The following KLF8 variants were observed in gnomAD, a reference collection of about 807,000 sequenced individuals.
KLF8 encodes the protein Krueppel-like factor 8.
In KLF8, 10 loss-of-function variants were observed where a neutral mutation model predicts 18.2. That is an observed-to-expected ratio of 0.55 (90% CI 0.34 to 0.93). KLF8 has a LOEUF of 0.93. KLF8 is among the 40% of genes least tolerant of loss of function. KLF8 has a pLI of 0.02. For synonymous variants in KLF8, 109 were observed against 97.3 expected (o/e 1.12, Z -0.71); for missense variants, 264 against 277.9 (o/e 0.95, Z 0.36).
At chrX:56,217,583 T>A in the KLF8 span, among the ~76,000 whole-genome samples, 4 of 110,089 alleles carry the variant, frequency 3.6e-5, no homozygotes, top group Admixed American at 1.9e-4. Context: ...CCCAGCTAAT[T>A]TTTTAAAAAA....
the KLF8 span, among the ~76,000 whole-genome samples, chrX:56,202,121 C>G: frequency 2.7e-5 from 3 of 111,016 alleles, no homozygotes; most frequent in East Asian, 5.6e-4. Context: ...GAAGAAGGCT[C>G]GTACTGTCCA....
At chrX:56,231,083 G>A (rs1042229145), upstream of KLF8, among the ~76,000 whole-genome samples, 1 of 111,881 alleles carries the variant, frequency 8.9e-6, no homozygotes, top group African/African-American at 3.2e-5. Flanking sequence ...GAATTCCCAG[G>A]GATTTGTAAT....
In KLF8 at chrX:56,288,568, A is replaced by AT. The variant is rs111675517; in HGVS notation, c.*4080dup. Among the ~76,000 whole-genome samples, 20,433 of 111,477 alleles carry AT rather than the reference A, an allele frequency of 0.18. 3,798 individuals carry two copies. Among genetic ancestry groups the AT allele is most frequent in the African/African-American group, 0.57 (17,407 of 30,362 alleles). On this transcript the variant is annotated 3_prime_UTR_variant, in exon 6 of 6. Coordinates refer to ENST00000468660, the MANE Select transcript of KLF8 (RefSeq NM_007250.5). The stretch of plus-strand genomic sequence containing the variant: ...TATTACAATAAAGCAAGTCACACAA[A>AT]TTTTTTGGTTTCCCAGTGCATATAA...
At chrX:56,202,795 T>C in the KLF8 span, among the ~76,000 whole-genome samples, 165 of 111,626 alleles carry the variant, frequency 1.5e-3, no homozygotes, top group Admixed American at 2.7e-3. Context: ...CCATTGTTTA[T>C]ATTTACAGCA....
the KLF8 span, among the ~76,000 whole-genome samples, chrX:56,225,902 C>T: frequency 8.9e-6 from 1 of 112,268 alleles, no homozygotes; most frequent in African/African-American, 3.2e-5. Context: ...GAGTTGAAAG[C>T]ATAAAGATGA....
chrX:56,250,156 C>T (rs1230284646), intron 1 of KLF8, 75 bp from the exon 2 acceptor site: 2 of 699,419 alleles, frequency 2.9e-6, no homozygotes, highest in Non-Finnish European at 4.5e-6. Flanking sequence ...ACACACATAA[C>T]ATTAATGGCA....
At chrX:56,115,970 A>C in the KLF8 span, among the ~76,000 whole-genome samples, 1 of 112,554 alleles carries the variant, frequency 8.9e-6, no homozygotes, top group Non-Finnish European at 1.9e-5. Flanking sequence ...CCATTACTGA[A>C]TTCTCCCACT....
the KLF8 span, among the ~76,000 whole-genome samples, chrX:56,030,882 G>A: frequency 1.8e-5 from 2 of 109,545 alleles, no homozygotes; most frequent in Non-Finnish European, 3.8e-5. Flanking sequence ...TACTAGTACT[G>A]CTGCTGCCTG....
the KLF8 span, among the ~76,000 whole-genome samples, chrX:56,133,889 A>T: frequency 9.7e-6 from 1 of 103,343 alleles, no homozygotes; most frequent in Non-Finnish European, 2.0e-5. Flanking sequence ...GCTGAGAATT[A>T]AATCAAGAAC....
chrX:55,919,722 C>T, the KLF8 span, among the ~76,000 whole-genome samples: 59 of 111,408 alleles, frequency 5.3e-4, no homozygotes, highest in Admixed American at 1.7e-3. Flanking sequence ...ACAGCAAGCC[C>T]GGCCCAAGGA....
chrX:55,974,852 TTAA>T, the KLF8 span, among the ~76,000 whole-genome samples: 2 of 112,208 alleles, frequency 1.8e-5, no homozygotes, highest in Non-Finnish European at 3.8e-5. Context: ...TGTGAACATT[TTAA>T]TAATATTGAT....
the KLF8 span, among the ~76,000 whole-genome samples, chrX:56,154,282 C>A: frequency 1.3e-4 from 14 of 110,369 alleles, no homozygotes; most frequent in African/African-American, 4.7e-4. Flanking sequence ...CAGAACAGAG[C>A]CCTCAAAAAT....
At chrX:55,941,685 C>T in the KLF8 span, among the ~76,000 whole-genome samples, 1 of 111,149 alleles carries the variant, frequency 9.0e-6, no homozygotes, top group Non-Finnish European at 1.9e-5. Context: ...AAAAAAACAA[C>T]CCCAGCAAAA....
At chrX:55,988,796 A>G in the KLF8 span, among the ~76,000 whole-genome samples, 1 of 111,582 alleles carries the variant, frequency 9.0e-6, no homozygotes, top group Admixed American at 9.5e-5. Context: ...CTTGGGCAGT[A>G]TGGCTGTTTT....
the KLF8 span, among the ~76,000 whole-genome samples, chrX:56,074,135 G>A: frequency 9.0e-6 from 1 of 111,197 alleles, no homozygotes. Flanking sequence ...GCCTATTATT[G>A]GTCTGTCTTT....
At chrX:56,098,117 G>A in the KLF8 span, among the ~76,000 whole-genome samples, 1 of 111,420 alleles carries the variant, frequency 9.0e-6, no homozygotes, top group African/African-American at 3.3e-5. Flanking sequence ...AAAGAGCCTG[G>A]CACTTCCCAT....
the KLF8 span, among the ~76,000 whole-genome samples, chrX:55,989,164 T>G: frequency 8.9e-6 from 1 of 112,034 alleles, no homozygotes; most frequent in Non-Finnish European, 1.9e-5. Flanking sequence ...ACAATTTGAC[T>G]TCCTCTTTTC....
rs2067261937 is a variant in KLF8, at chrX:56,285,774, G to A, written c.*1280G>A. The A allele has an allele frequency of 9.0e-6, 1 of 111,225 alleles. No individual in the cohort carries two copies. The highest frequency in any genetic ancestry group is 1.9e-5 in the Non-Finnish European group (1 of 53,003). 9.2% of individuals were successfully genotyped at this position (111,225 alleles called of 1,213,427 possible). On this transcript the variant is annotated 3_prime_UTR_variant, in exon 6 of 6. Transcript: ENST00000468660. Reference sequence around the variant, plus strand: ...TCAGATTGTTTTATAATATTACCTGGGGTACAAAATCCTCTGTTCCTGGCC... The same window carrying A: ...TCAGATTGTTTTATAATATTACCTGAGGTACAAAATCCTCTGTTCCTGGCC...
chrX:56,188,878 A>G, the KLF8 span, among the ~76,000 whole-genome samples: 2 of 112,191 alleles, frequency 1.8e-5, no homozygotes, highest in African/African-American at 6.5e-5. Context: ...TTCAAGATGG[A>G]TGAAAGACTT....
Sources: allele counts gnomAD v4.1 joint callset (sites outside exome capture counted in the v4.1 genomes callset), GRCh38; gene constraint gnomAD v4.1.1; transcripts MANE v1.5; gene names NCBI Gene and HGNC (gene_info 2026-07-23, HGNC 2026-07-21).